Variants in SLC25A26 observed in about 807,000 individuals in gnomAD.
The protein encoded by SLC25A26 is solute carrier family 25 member 26.
SLC25A26 carries 36 observed loss-of-function variants against 37.8 expected under a neutral mutation model. That is an observed-to-expected ratio of 0.95 (90% CI 0.73 to 1.26). SLC25A26 has a LOEUF of 1.26. SLC25A26 is among the 50% of genes most tolerant of loss of function. SLC25A26 has a pLI of 0.00. For missense variants in SLC25A26, 390 were observed against 331.1 expected (o/e 1.18, Z -1.38); for synonymous variants, 129 against 122.5 (o/e 1.05, Z -0.35).
chr3:66,352,192 T>TGA (rs2076468572), intron 6 of SLC25A26, among the ~76,000 whole-genome samples: 3 of 152,104 alleles, frequency 2.0e-5, no homozygotes, highest in Admixed American at 2.0e-4. Flanking sequence ...GGCGACAGAG[T>TGA]GAGACCCTGT....
chr3:66,275,973 A>G (rs2074130324), intron 5 of SLC25A26, among the ~76,000 whole-genome samples: 1 of 152,096 alleles, frequency 6.6e-6, no homozygotes. Context: ...ACCATCTTAT[A>G]TGGAGTATTA....
At chr3:66,254,281 A>G (rs2073215238) in intron 3 of SLC25A26, among the ~76,000 whole-genome samples, 1 of 152,250 alleles carries the variant, frequency 6.6e-6, no homozygotes, top group Non-Finnish European at 1.5e-5. Context: ...AAATGATGGT[A>G]TAGAAAGAGA....
At chr3:66,191,762 G>A (rs961947236) in intron 1 of SLC25A26, among the ~76,000 whole-genome samples, 3 of 151,904 alleles carry the variant, frequency 2.0e-5, no homozygotes, top group African/African-American at 7.3e-5. Context: ...GTAGTGGCAC[G>A]TGCCTGTAAT....
intron 3 of SLC25A26, among the ~76,000 whole-genome samples, chr3:66,244,700 C>T (rs182372637): frequency 3.9e-5 from 6 of 152,154 alleles, no homozygotes; most frequent in East Asian, 1.9e-4. Context: ...TGGCCGGGCA[C>T]GGTGGCTCAC....
intron 1 of SLC25A26, among the ~76,000 whole-genome samples, chr3:66,221,612 T>A (rs2071500638): frequency 6.6e-6 from 1 of 151,980 alleles, no homozygotes; most frequent in South Asian, 2.1e-4. Context: ...ATCTGCTATT[T>A]CTGCTCCAAG....
At position 66,342,115 on chromosome 3, in the gene SLC25A26, G is replaced by A. The variant is rs114267863; in HGVS notation, c.454-4249G>A. Among the ~76,000 whole-genome samples the A allele has an allele frequency of 1.6e-3, 250 of 152,242 alleles. 1 individual carries two copies. The highest frequency in any genetic ancestry group is 5.6e-3 in the African/African-American group (232 of 41,548). On this transcript the variant is annotated intron_variant, in intron 5 of 9. Coordinates refer to ENST00000354883, the MANE Select transcript of SLC25A26 (RefSeq NM_001379210.1). ...TTGGAAATCATCATGCAAGAAAAAG[G>A]AGACCCTTCTGTGAATCACCTGTAG...
At chr3:66,288,137 A>G (rs2074576529) in intron 5 of SLC25A26, among the ~76,000 whole-genome samples, 1 of 152,186 alleles carries the variant, frequency 6.6e-6, no homozygotes, top group Admixed American at 6.5e-5. Context: ...AAAGCAGTTC[A>G]TTAGTAGTTG....
At chr3:66,190,583 C>T (rs891436681) in intron 1 of SLC25A26, among the ~76,000 whole-genome samples, 8 of 152,096 alleles carry the variant, frequency 5.3e-5, no homozygotes, top group Admixed American at 4.6e-4. Context: ...TGTGCACACC[C>T]GCACCTGGTT....
chr3:66,322,551 C>A (rs1259096383), intron 5 of SLC25A26, among the ~76,000 whole-genome samples: 1 of 152,182 alleles, frequency 6.6e-6, no homozygotes, highest in Non-Finnish European at 1.5e-5. Context: ...GAGTATCTTG[C>A]CTTTAACAGA....
At chr3:66,241,146 GA>G (rs36194505) in intron 2 of SLC25A26, among the ~76,000 whole-genome samples, 26,086 of 151,870 alleles carry the variant, frequency 0.17, 2,347 homozygotes, top group Non-Finnish European at 0.18. Flanking sequence ...TATATTTATT[GA>G]AAAAAAGCCA....
intron 5 of SLC25A26, among the ~76,000 whole-genome samples, chr3:66,293,865 T>C (rs1559666461): frequency 1.3e-5 from 2 of 152,166 alleles, no homozygotes; most frequent in African/African-American, 4.8e-5. Flanking sequence ...GCATGTGTCT[T>C]TATGATAGAA....
chr3:66,297,638 A>T (rs573382160), intron 5 of SLC25A26, among the ~76,000 whole-genome samples: 30 of 152,336 alleles, frequency 2.0e-4, no homozygotes, highest in African/African-American at 6.7e-4. Flanking sequence ...CTGTGGGCCT[A>T]ATCCAGATCA....
chr3:66,236,206 C>CT (rs1168848606), intron 1 of SLC25A26, among the ~76,000 whole-genome samples: 1 of 82,908 alleles, frequency 1.2e-5, no homozygotes, highest in Admixed American at 1.3e-4. Context: ...CACATCTGGA[C>CT]TTTTTTTTTT....
intron 1 of SLC25A26, among the ~76,000 whole-genome samples, chr3:66,201,537 C>T (rs1191088724): frequency 2.6e-5 from 4 of 152,082 alleles, no homozygotes; most frequent in Non-Finnish European, 4.4e-5. Context: ...GGTTTCACCA[C>T]GTTGTTCAGG....
chr3:66,180,227 C>T (rs1003110356), intron 1 of SLC25A26, among the ~76,000 whole-genome samples: 4 of 152,192 alleles, frequency 2.6e-5, no homozygotes, highest in African/African-American at 9.6e-5. Context: ...GGGGATACAA[C>T]CACAATTTAT....
chr3:66,245,005 T>G (rs187650274), intron 3 of SLC25A26, among the ~76,000 whole-genome samples: 2 of 151,926 alleles, frequency 1.3e-5, no homozygotes, highest in African/African-American at 4.8e-5. Context: ...CAAAAAACTC[T>G]TTTGTAAATA....
At chr3:66,328,517 A>G (rs886937518) in intron 5 of SLC25A26, among the ~76,000 whole-genome samples, 3 of 152,204 alleles carry the variant, frequency 2.0e-5, no homozygotes, top group Admixed American at 1.3e-4. Flanking sequence ...CTTTGAAGAT[A>G]GGACTCTAAA....
At chr3:66,142,970 T>C (rs945728226) in intron 1 of SLC25A26, among the ~76,000 whole-genome samples, 1 of 152,108 alleles carries the variant, frequency 6.6e-6, no homozygotes, top group African/African-American at 2.4e-5. Context: ...TCTCACTATG[T>C]TGACCAGGCC....
upstream of SLC25A26, among the ~76,000 whole-genome samples, chr3:66,216,677 G>C (rs2106848434): frequency 6.7e-6 from 1 of 150,090 alleles, no homozygotes; most frequent in South Asian, 2.1e-4. Flanking sequence ...TTGGTTTCTT[G>C]CTAATTTTTA....
Sources: allele counts gnomAD v4.1 joint callset (sites outside exome capture counted in the v4.1 genomes callset), GRCh38; gene constraint gnomAD v4.1.1; transcripts MANE v1.5; gene names NCBI Gene and HGNC (gene_info 2026-07-23, HGNC 2026-07-21).